FGF12: variants seen among roughly 807,000 people sequenced by gnomAD.
FGF12 encodes the protein fibroblast growth factor 12, also known as fibroblast growth factor 12B.
FGF12 carries 14 observed loss-of-function variants against 23.6 expected under a neutral mutation model. The ratio of observed to expected loss-of-function variants is 0.59; its 90% CI spans 0.39 to 0.93. The LOEUF (loss-of-function observed/expected upper bound fraction) is 0.93. Among genes scored for constraint, FGF12 ranks in the 40% least tolerant of loss-of-function variants. The probability of loss-of-function intolerance (pLI) is 0.00; values close to 1 mark genes in which losing one functional copy is unlikely to be tolerated. For synonymous variants in FGF12, 62 were observed against 77.3 expected (o/e 0.80, Z 1.04); for missense variants, 175 against 217.8 (o/e 0.80, Z 1.24).
chr3:192,338,709 T>C (rs953908228), intron 3 of FGF12, among the ~76,000 whole-genome samples: 11 of 152,166 alleles, frequency 7.2e-5, no homozygotes, highest in African/African-American at 2.7e-4. Context: ...AACATTCAAT[T>C]ACCCAGGTCT....
intron 4 of FGF12, among the ~76,000 whole-genome samples, chr3:192,289,680 G>A (rs1714654368): frequency 6.6e-6 from 1 of 151,990 alleles, no homozygotes. Flanking sequence ...TTTAACTTTT[G>A]TTTATTCACT....
chr3:192,314,750 G>T (rs1716140673), intron 4 of FGF12, among the ~76,000 whole-genome samples: 1 of 152,112 alleles, frequency 6.6e-6, no homozygotes, highest in African/African-American at 2.4e-5. Context: ...TTAATAATTG[G>T]TCTTAGGAAA....
chr3:192,444,463 T>C (rs1275054959), intron 2 of FGF12, among the ~76,000 whole-genome samples: 1 of 152,214 alleles, frequency 6.6e-6, no homozygotes, highest in African/African-American at 2.4e-5. Flanking sequence ...TTCTTCTAGT[T>C]AGCCAATTGA....
chr3:192,690,780 C>T (rs143428518), intron 2 of FGF12, among the ~76,000 whole-genome samples: 1 of 151,972 alleles, frequency 6.6e-6, no homozygotes, highest in East Asian at 1.9e-4. Flanking sequence ...TTAAAAAAGA[C>T]AAGACCCAAA....
intron 2 of FGF12, among the ~76,000 whole-genome samples, chr3:192,620,241 C>T (rs147416394): frequency 4.8e-5 from 3 of 62,162 alleles, no homozygotes; most frequent in Non-Finnish European, 8.4e-5. Context: ...TACACACACA[C>T]GCGCGCGCGC....
intron 5 of FGF12, among the ~76,000 whole-genome samples, chr3:192,167,489 T>C (rs771715841): frequency 6.6e-6 from 1 of 151,824 alleles, no homozygotes; most frequent in Non-Finnish European, 1.5e-5. Flanking sequence ...GCCAAGGCCC[T>C]ACCAATTGGA....
At chr3:192,454,283 C>T (rs1313458683) in intron 2 of FGF12, among the ~76,000 whole-genome samples, 1 of 152,120 alleles carries the variant, frequency 6.6e-6, no homozygotes, top group Non-Finnish European at 1.5e-5. Flanking sequence ...CGTGATCCAC[C>T]CACCTCGGCC....
chr3:192,366,666 A>C (rs2108739528), intron 2 of FGF12, among the ~76,000 whole-genome samples: 1 of 152,338 alleles, frequency 6.6e-6, no homozygotes, highest in Middle Eastern at 3.4e-3. Context: ...AGTACTGGCA[A>C]AACAGGAACC....
intron 2 of FGF12, among the ~76,000 whole-genome samples, chr3:192,631,536 C>T (rs1327579205): frequency 2.0e-5 from 3 of 152,194 alleles, no homozygotes; most frequent in Non-Finnish European, 4.4e-5. Context: ...AGTTTAGCAC[C>T]TGGATGTTTT....
At chr3:192,340,940 A>T (rs1717661203) in intron 3 of FGF12, among the ~76,000 whole-genome samples, 1 of 152,234 alleles carries the variant, frequency 6.6e-6, no homozygotes. Flanking sequence ...AGGCAAATGA[A>T]AGCAAAAACT....
At chr3:192,376,313 G>T (rs1471763879) in intron 2 of FGF12, among the ~76,000 whole-genome samples, 1 of 150,000 alleles carries the variant, frequency 6.7e-6, no homozygotes, top group Non-Finnish European at 1.5e-5. Context: ...TCTTACTATT[G>T]TCATTGCTAT....
At chr3:192,378,058 C>CTT (rs1177642723) in intron 2 of FGF12, among the ~76,000 whole-genome samples, 1 of 110,996 alleles carries the variant, frequency 9.0e-6, no homozygotes, top group African/African-American at 5.3e-5. Context: ...TTCTTTCTTT[C>CTT]TTTCTTTCTT....
Position 192,360,570 on chromosome 3 carries a change from T to C in FGF12, c.14-32A>G. The stretch of plus-strand genomic sequence containing the variant: ...AACAAAATAATTATTCAAATTTTTA[T>C]TTGGCTTACACAAATGCACACTTAC... On this transcript the variant is annotated intron_variant, in intron 2 of 5. Transcript: ENST00000445105. The surrounding 1 kb of genome is among the most constrained non-coding windows in gnomAD (Gnocchi z 4.3). 6.7e-7 allele frequency: 1 copy of C among 1,490,398 alleles called. No homozygotes were observed. The allele number at this position is 1,490,398 out of a possible 1,614,324, so 92.3% of individuals were successfully genotyped here.
At chr3:192,361,169 C>CAAAAAAAAAAAAAAAAAAAA (rs10651290) in intron 2 of FGF12, among the ~76,000 whole-genome samples, 1 of 98,772 alleles carries the variant, frequency 1.0e-5, no homozygotes, top group African/African-American at 4.1e-5. Context: ...TTCTCCAGTA[C>CAAAAAAAAAAAAAAAAAAAA]AAAAAAAAAA....
intron 4 of FGF12, among the ~76,000 whole-genome samples, chr3:192,301,653 G>A (rs1396592480): frequency 5.9e-5 from 9 of 152,160 alleles, no homozygotes; most frequent in Non-Finnish European, 1.3e-4. Flanking sequence ...CCTGTAAGAT[G>A]AGCACAAATT....
At chr3:192,439,548 A>G (rs2108795328) in intron 2 of FGF12, among the ~76,000 whole-genome samples, 1 of 152,300 alleles carries the variant, frequency 6.6e-6, no homozygotes, top group Admixed American at 6.5e-5. Context: ...TTGGGGATAC[A>G]ATGGTGAGCA....
chr3:192,450,624 A>C (rs1280644392), intron 2 of FGF12, among the ~76,000 whole-genome samples: 5 of 152,192 alleles, frequency 3.3e-5, no homozygotes, highest in African/African-American at 9.7e-5. Context: ...ACTCTTTATA[A>C]TCATCAAGAG....
chr3:192,668,306 C>T (rs183954818), intron 2 of FGF12, among the ~76,000 whole-genome samples: 2 of 152,172 alleles, frequency 1.3e-5, no homozygotes, highest in African/African-American at 2.4e-5. Flanking sequence ...CAGCTATAAG[C>T]GGAGACAAAA....
intron 4 of FGF12, among the ~76,000 whole-genome samples, chr3:192,262,420 T>C (rs1418690476): frequency 6.6e-6 from 1 of 152,206 alleles, no homozygotes; most frequent in Non-Finnish European, 1.5e-5. Flanking sequence ...TAGATCTGAC[T>C]GCAGACAGTT....
Sources: gnomAD v4.1 joint callset for allele counts (sites outside exome capture counted in the v4.1 genomes callset) on GRCh38, gnomAD v4.1.1 for gene constraint, Gnocchi (gnomAD v3.1) non-coding constraint, MANE v1.5 for transcripts, NCBI Gene and HGNC (gene_info 2026-07-23, HGNC 2026-07-21) for gene names.